The following ZBTB38 variants were observed in gnomAD, a reference collection of about 807,000 sequenced individuals.
The protein encoded by ZBTB38 is zinc finger and BTB domain containing 38.
A neutral mutation model predicts 76.8 loss-of-function variants in ZBTB38; 20 were observed. The ratio of observed to expected loss-of-function variants is 0.26; its 90% CI spans 0.18 to 0.38. The LOEUF (loss-of-function observed/expected upper bound fraction) is 0.38. Ranked by LOEUF, ZBTB38 falls within the 10% of genes least tolerant of loss-of-function variation. The probability of loss-of-function intolerance (pLI) is 1.00; values close to 1 mark genes in which losing one functional copy is unlikely to be tolerated. For missense variants in ZBTB38, 1,082 were observed against 1,482.3 expected (o/e 0.73, Z 4.43); for synonymous variants, 504 against 544.2 (o/e 0.93, Z 1.03).
intron 5 of ZBTB38, among the ~76,000 whole-genome samples, chr3:141,423,536 C>G (rs1223342268): frequency 6.6e-6 from 1 of 152,074 alleles, no homozygotes; most frequent in Non-Finnish European, 1.5e-5. Context: ...AATTTAAACC[C>G]AGGAGTGGGT....
At chr3:141,365,065 C>G (rs1440952459), upstream of ZBTB38, among the ~76,000 whole-genome samples, 2 of 151,658 alleles carry the variant, frequency 1.3e-5, no homozygotes, top group African/African-American at 2.4e-5. Context: ...GAATGCATGT[C>G]CACAAAAAAA....
chr3:141,324,921 C>A (rs4683599), intron 1 of ZBTB38, among the ~76,000 whole-genome samples: 5,118 of 152,060 alleles, frequency 0.034, 177 homozygotes, highest in East Asian at 0.13. Context: ...AGCAGAATAA[C>A]AACAAAAAAG....
chr3:141,382,254 G>C (rs891939096), intron 3 of ZBTB38, among the ~76,000 whole-genome samples: 2 of 152,134 alleles, frequency 1.3e-5, no homozygotes, highest in South Asian at 4.1e-4. Flanking sequence ...AAGAGAACAG[G>C]CTACTCTGAT....
chr3:141,357,591 G>A (rs938104604), intron 1 of ZBTB38, among the ~76,000 whole-genome samples: 5 of 152,074 alleles, frequency 3.3e-5, no homozygotes, highest in East Asian at 3.9e-4. Context: ...GTGCAGTGGC[G>A]CAATCTCGGC....
intron 1 of ZBTB38, among the ~76,000 whole-genome samples, chr3:141,350,478 T>C (rs1943485333): frequency 6.6e-6 from 1 of 152,228 alleles, no homozygotes; most frequent in Non-Finnish European, 1.5e-5. Context: ...AGTAATTCTA[T>C]CAAATCCTCT....
chr3:141,371,045 C>CTTTCTTTTTTTT (rs1944498561), intron 2 of ZBTB38, among the ~76,000 whole-genome samples: 1 of 72,006 alleles, frequency 1.4e-5, no homozygotes, highest in African/African-American at 7.8e-5. Flanking sequence ...TTCTTTCTTT[C>CTTTCTTTTTTTT]TTTTTTTTTT....
At chr3:141,360,641 G>T (rs1037635439) in intron 1 of ZBTB38, among the ~76,000 whole-genome samples, 1 of 152,174 alleles carries the variant, frequency 6.6e-6, no homozygotes, top group African/African-American at 2.4e-5. Flanking sequence ...CTGTGAATAA[G>T]CTGTAAGTCC....
rs1269682573 is a variant in ZBTB38 at position 141,398,059 on chromosome 3, G to A, written c.-105-5868G>A. On this transcript the variant is annotated intron_variant, in intron 4 of 5. Transcript: ENST00000321464. ...AGTGGAGTGCAATAAAACGAGCTATGTTTATATTCTCCTTTTGATTTTTTC... is the reference window on the plus strand; with the variant it reads ...AGTGGAGTGCAATAAAACGAGCTATATTTATATTCTCCTTTTGATTTTTTC... 2.0e-5 allele frequency among the ~76,000 whole-genome samples: 3 copies of A among 152,336 alleles called. No individual in the cohort carries two copies. In the East Asian group the frequency reaches 5.8e-4, roughly 29 times the overall value.
chr3:141,441,576 G>T (rs1266430889), intron 5 of ZBTB38, among the ~76,000 whole-genome samples: 1 of 152,176 alleles, frequency 6.6e-6, no homozygotes, highest in Non-Finnish European at 1.5e-5. Flanking sequence ...CTGGTGGTCA[G>T]ACTTGGTTAC....
chr3:141,443,266 ATCAAGAAAG>A lies in ZBTB38; in HGVS notation c.879_887del (p.Asn293_Arg296delinsLys). ...CCTCCAGTATCCAACTTAGAGGTTAATCAAGAAAGAAGTCCACAACCAGCTGCTGTTCTC... is the reference window on the plus strand; with the variant it reads ...CCTCCAGTATCCAACTTAGAGGTTAAAAGTCCACAACCAGCTGCTGTTCTC... On this transcript the variant is annotated inframe_deletion, in exon 6 of 6. Coordinates refer to ENST00000321464, the MANE Select transcript of ZBTB38 (RefSeq NM_001376113.1). The surrounding 1 kb of genome is among the most constrained non-coding windows in gnomAD (Gnocchi z 5.6). 6.2e-7 allele frequency: 1 copy of A among 1,614,236 alleles called. No individual in the cohort carries two copies. The highest frequency in any genetic ancestry group is 8.5e-7 in the Non-Finnish European group (1 of 1,180,044).
At chr3:141,355,101 G>A (rs1001489522) in intron 1 of ZBTB38, among the ~76,000 whole-genome samples, 3 of 152,042 alleles carry the variant, frequency 2.0e-5, no homozygotes, top group Non-Finnish European at 4.4e-5. Context: ...AGATTACAAT[G>A]AGAGGAAGGA....
chr3:141,371,045 CTTTTT>C (rs754872291), intron 2 of ZBTB38, among the ~76,000 whole-genome samples: 10 of 72,008 alleles, frequency 1.4e-4, no homozygotes, highest in Admixed American at 4.0e-4. Context: ...TTCTTTCTTT[CTTTTT>C]TTTTTTTTTT....
intron 1 of ZBTB38, among the ~76,000 whole-genome samples, chr3:141,338,103 A>G (rs1020304984): frequency 1.3e-5 from 2 of 152,226 alleles, no homozygotes; most frequent in Admixed American, 6.5e-5. Flanking sequence ...ACCACCTTGC[A>G]CCATCAGACT....
At chr3:141,389,306 G>A (rs1319029845) in intron 4 of ZBTB38, 1 of 152,148 alleles carries the variant, frequency 6.6e-6, no homozygotes, top group Non-Finnish European at 1.5e-5. Context: ...CTGAAGGGTG[G>A]TGGTGGTTGT....
chr3:141,415,207 A>G (rs1014371807), intron 5 of ZBTB38, among the ~76,000 whole-genome samples: 1 of 152,070 alleles, frequency 6.6e-6, no homozygotes, highest in African/African-American at 2.4e-5. Context: ...GACATACAAG[A>G]ACCTTTTCTG....
chr3:141,360,018 A>G (rs749698889), intron 1 of ZBTB38, among the ~76,000 whole-genome samples: 3 of 152,212 alleles, frequency 2.0e-5, no homozygotes, highest in Non-Finnish European at 2.9e-5. Flanking sequence ...CTCATATTCA[A>G]TAGAAAACCA....
At chr3:141,388,216 A>G (rs937802022) in intron 4 of ZBTB38, 2 of 152,106 alleles carry the variant, frequency 1.3e-5, no homozygotes, top group African/African-American at 4.8e-5. Context: ...CTAAAAATAA[A>G]TGGGTTTCTG....
At position 141,445,135 on chromosome 3, in the gene ZBTB38, G is replaced by C; in HGVS notation, c.2747G>C (p.Trp916Ser). 6.2e-7 allele frequency: 1 copy of C among 1,614,076 alleles called. No individual in the cohort carries two copies. Among genetic ancestry groups the C allele is most frequent in the Non-Finnish European group, 8.5e-7 (1 of 1,180,014 alleles). ...GACCAGGATTCCACTGACAAACCGT[G>C]GCGCCCTTACTACAACTACAAACCC... ...ASDQDSTDKP[W>S]RPYYNYKPKK... Residue 916 changes from tryptophan (W) to serine (S), a missense_variant, in exon 6 of 6, where the codon TGG becomes TCG. Around this residue, in one of 8 missense-constraint regions of ZBTB38, gnomAD observed 471 missense variants for 581.0 expected, o/e 0.81. Transcript: ENST00000321464. This position sits in a 1 kb window ranked among gnomAD's most constrained non-coding sequence, Gnocchi z 6.5.
At chr3:141,424,753 G>A (rs1387933687) in intron 5 of ZBTB38, among the ~76,000 whole-genome samples, 1 of 152,118 alleles carries the variant, frequency 6.6e-6, no homozygotes, top group Non-Finnish European at 1.5e-5. Flanking sequence ...GCACTGTGAG[G>A]GGGTCTGGGG....
Sources: gnomAD v4.1 joint callset for allele counts (sites outside exome capture counted in the v4.1 genomes callset) on GRCh38, gnomAD v4.1.1 for gene constraint, gnomAD v4.1.1 regional missense constraint, Gnocchi (gnomAD v3.1) non-coding constraint, MANE v1.5 for transcripts, NCBI Gene and HGNC (gene_info 2026-07-23, HGNC 2026-07-21) for gene names.